The following MDGA2 variants were observed in gnomAD, a reference collection of about 807,000 sequenced individuals.
MDGA2 encodes the protein MAM domain containing glycosylphosphatidylinositol anchor 2.
Under a neutral mutation model 117.8 loss-of-function variants are expected in MDGA2, and 40 were observed. That is an observed-to-expected ratio of 0.34 (90% CI 0.26 to 0.44). The LOEUF is 0.44. MDGA2 is among the 20% of genes least tolerant of loss of function. MDGA2 has a pLI of 1.00. For missense variants in MDGA2, 1,123 were observed against 1,250.6 expected (o/e 0.90, Z 1.54); for synonymous variants, 452 against 439.0 (o/e 1.03, Z -0.37).
intron 1 of MDGA2, among the ~76,000 whole-genome samples, chr14:47,621,335 T>A (rs1239823517): frequency 1.3e-5 from 2 of 152,200 alleles, no homozygotes; most frequent in East Asian, 1.9e-4. Context: ...ACCTCCCTCA[T>A]CTTTTTTTAC....
At chr14:46,856,384 T>C (rs1004629101) in intron 14 of MDGA2, among the ~76,000 whole-genome samples, 1 of 152,130 alleles carries the variant, frequency 6.6e-6, no homozygotes, top group Non-Finnish European at 1.5e-5. Flanking sequence ...TGCATCTTGA[T>C]TGTATCAATG....
intron 5 of MDGA2, among the ~76,000 whole-genome samples, chr14:47,125,131 C>G (rs925410294): frequency 1.3e-5 from 2 of 152,036 alleles, no homozygotes; most frequent in Admixed American, 1.3e-4. Flanking sequence ...ACACAAGAGG[C>G]TAGAGAAATT....
intron 8 of MDGA2, among the ~76,000 whole-genome samples, chr14:47,013,772 G>GTGTATATATATATATA (rs1555343310): frequency 8.5e-5 from 8 of 93,684 alleles, no homozygotes; most frequent in Non-Finnish European, 1.5e-4. Context: ...TAATTTCCTT[G>GTGTATATATATATATA]TATATATATA....
At chr14:47,310,503 T>C (rs1594787603) in intron 1 of MDGA2, among the ~76,000 whole-genome samples, 1 of 152,216 alleles carries the variant, frequency 6.6e-6, no homozygotes, top group East Asian at 1.9e-4. Context: ...TCAAACGACT[T>C]GTATAAACTA....
intron 6 of MDGA2, among the ~76,000 whole-genome samples, chr14:47,085,978 T>A (rs1346618588): frequency 1.3e-5 from 2 of 152,044 alleles, no homozygotes; most frequent in African/African-American, 2.4e-5. Context: ...TGCTTTTAAA[T>A]TAATTACCTT....
At chr14:47,208,907 T>C (rs1195970287) in intron 3 of MDGA2, among the ~76,000 whole-genome samples, 2 of 151,590 alleles carry the variant, frequency 1.3e-5, no homozygotes, top group Non-Finnish European at 3.0e-5. Context: ...CAGGCACACA[T>C]TCGAATAGCC....
intron 14 of MDGA2, among the ~76,000 whole-genome samples, chr14:46,867,932 T>C (rs1182218487): frequency 6.6e-6 from 1 of 151,300 alleles, no homozygotes; most frequent in Non-Finnish European, 1.5e-5. Flanking sequence ...TCTGTCTGTT[T>C]TTTTTTTTAC....
chr14:46,872,541 GA>G (rs1393797270), intron 14 of MDGA2, among the ~76,000 whole-genome samples: 1 of 151,818 alleles, frequency 6.6e-6, no homozygotes, highest in East Asian at 1.9e-4. Context: ...AGAAAGGTGA[GA>G]GATTATATCA....
chr14:46,990,496 G>A (rs538141437), intron 8 of MDGA2, among the ~76,000 whole-genome samples: 57 of 152,016 alleles, frequency 3.7e-4, no homozygotes, highest in African/African-American at 1.3e-3. Context: ...GAGAAGTATT[G>A]CAAACATATA....
intron 2 of MDGA2, among the ~76,000 whole-genome samples, chr14:47,218,610 G>A (rs747220457): frequency 3.3e-5 from 5 of 151,746 alleles, no homozygotes; most frequent in Non-Finnish European, 7.4e-5. Flanking sequence ...TTTTATTTTT[G>A]GACATGCCTC....
chr14:47,207,543 T>G (rs1011464289), intron 3 of MDGA2, among the ~76,000 whole-genome samples: 2 of 151,926 alleles, frequency 1.3e-5, no homozygotes, highest in African/African-American at 4.8e-5. Flanking sequence ...AAAATGGAAT[T>G]TGTTCCCCTT....
intron 1 of MDGA2, among the ~76,000 whole-genome samples, chr14:47,468,576 A>G (rs939357975): frequency 6.6e-6 from 1 of 152,178 alleles, no homozygotes; most frequent in Non-Finnish European, 1.5e-5. Context: ...GACACTTAAT[A>G]AGTCAGCGAA....
intron 1 of MDGA2, among the ~76,000 whole-genome samples, chr14:47,388,221 A>G (rs941948056): frequency 3.9e-5 from 6 of 152,212 alleles, no homozygotes; most frequent in East Asian, 3.9e-4. Flanking sequence ...AGGCATAAAC[A>G]GTAAGAAATA....
chr14:47,402,357 A>AGAG (rs1892171561), intron 1 of MDGA2, among the ~76,000 whole-genome samples: 1 of 137,774 alleles, frequency 7.3e-6, no homozygotes, highest in Non-Finnish European at 1.5e-5. Flanking sequence ...CCGCAAAAAA[A>AGAG]AGAGAGAGAG....
intron 8 of MDGA2, among the ~76,000 whole-genome samples, chr14:47,010,962 G>T (rs554924802): frequency 6.6e-6 from 1 of 151,868 alleles, no homozygotes; most frequent in African/African-American, 2.4e-5. Context: ...ATATCCATTT[G>T]CAGTAAGAGA....
At chr14:47,381,367 C>T (rs960011943) in intron 1 of MDGA2, among the ~76,000 whole-genome samples, 1 of 152,080 alleles carries the variant, frequency 6.6e-6, no homozygotes, top group Non-Finnish European at 1.5e-5. Context: ...CCAGGGCAAT[C>T]AGACAGGAGA....
intron 1 of MDGA2, among the ~76,000 whole-genome samples, chr14:47,549,324 G>T (rs1041109225): frequency 3.0e-5 from 4 of 131,950 alleles, no homozygotes; most frequent in Admixed American, 2.3e-4. Flanking sequence ...AGTTCATGTT[G>T]ATAGGTTTCA....
At chr14:47,091,425 A>C (rs1396036761) in intron 6 of MDGA2, among the ~76,000 whole-genome samples, 1 of 152,174 alleles carries the variant, frequency 6.6e-6, no homozygotes, top group Admixed American at 6.6e-5. Flanking sequence ...GATAAGAAGC[A>C]ATAAATCATG....
At chr14:47,253,766 T>C (rs1050903209) in intron 2 of MDGA2, among the ~76,000 whole-genome samples, 4 of 152,202 alleles carry the variant, frequency 2.6e-5, no homozygotes, top group Non-Finnish European at 5.9e-5. Flanking sequence ...GTGTGGGGGC[T>C]CCAACTCCAC....
Sources: gnomAD v4.1 joint callset for allele counts (sites outside exome capture counted in the v4.1 genomes callset) on GRCh38, gnomAD v4.1.1 for gene constraint, MANE v1.5 for transcripts, NCBI Gene and HGNC (gene_info 2026-07-23, HGNC 2026-07-21) for gene names.